The following CDK14 variants were observed in gnomAD, a reference collection of about 807,000 sequenced individuals.
CDK14 encodes cyclin-dependent kinase 14.
CDK14 carries 34 observed loss-of-function variants against 60.7 expected under a neutral mutation model. The observed-to-expected ratio is 0.56, with a 90% CI of 0.43 to 0.75. The LOEUF (loss-of-function observed/expected upper bound fraction) is 0.75, where lower values mean the gene tolerates loss of function less well. Among genes scored for constraint, CDK14 ranks in the 30% least tolerant of loss-of-function variants. The pLI is 0.00. For synonymous variants in CDK14, 197 were observed against 203.7 expected (o/e 0.97, Z 0.28); for missense variants, 482 against 564.1 (o/e 0.85, Z 1.47).
intron 9 of CDK14, among the ~76,000 whole-genome samples, chr7:90,972,306 T>G (rs576780226): frequency 3.4e-4 from 52 of 152,354 alleles, no homozygotes; most frequent in Non-Finnish European, 5.9e-4. Flanking sequence ...ATTTGGTTCC[T>G]TCTGTAGTCA....
chr7:91,052,501 A>G (rs1026360239), intron 11 of CDK14, among the ~76,000 whole-genome samples: 1 of 152,232 alleles, frequency 6.6e-6, no homozygotes, highest in Non-Finnish European at 1.5e-5. Flanking sequence ...ACCACCAATA[A>G]CACTTCGTAT....
chr7:91,178,622 A>G (rs1163980407), intron 14 of CDK14, among the ~76,000 whole-genome samples: 1 of 152,226 alleles, frequency 6.6e-6, no homozygotes, highest in Non-Finnish European at 1.5e-5. Context: ...CAGGAAAAAA[A>G]CAACCCCATC....
chr7:90,724,703 G>A (rs1427216377), intron 2 of CDK14, among the ~76,000 whole-genome samples: 1 of 151,626 alleles, frequency 6.6e-6, no homozygotes, highest in Non-Finnish European at 1.5e-5. Flanking sequence ...ACTATTTTCT[G>A]TCATCCTTAT....
intron 5 of CDK14, among the ~76,000 whole-genome samples, chr7:90,845,181 C>T (rs1255926725): frequency 1.3e-5 from 2 of 152,074 alleles, no homozygotes; most frequent in African/African-American, 4.8e-5. Context: ...AGAGTAGTCA[C>T]TCAGTAAACA....
At chr7:90,674,660 G>A (rs1801162089) in intron 2 of CDK14, among the ~76,000 whole-genome samples, 1 of 152,134 alleles carries the variant, frequency 6.6e-6, no homozygotes, top group African/African-American at 2.4e-5. Flanking sequence ...ACCATAAAAT[G>A]CATAATTATG....
rs1160281935 is a variant in CDK14 at position 90,790,659 on chromosome 7, A to G, written c.544+7A>G. ...TTCACAGCTATCAGGGAAGGTAGGCACTTTTCCTTGTTGATATTGCTTTTG... is the reference window on the plus strand; with the variant it reads ...TTCACAGCTATCAGGGAAGGTAGGCGCTTTTCCTTGTTGATATTGCTTTTG... On this transcript the variant is annotated splice_region_variant and intron_variant, in intron 5 of 14. Transcript: ENST00000380050. 3.1e-6 allele frequency: 5 copies of G among 1,603,308 alleles called. No homozygotes were observed. The highest frequency in any genetic ancestry group is 1.7e-5 in the Admixed American group (1 of 59,546).
chr7:91,147,162 T>TCTCTCTCTCTCTCTCTCTCACA (rs1438870514), intron 14 of CDK14, among the ~76,000 whole-genome samples: 6 of 124,698 alleles, frequency 4.8e-5, no homozygotes, highest in African/African-American at 2.0e-4. Flanking sequence ...TCTCTCTCTC[T>TCTCTCTCTCTCTCTCTCTCACA]CACACACACA....
chr7:91,076,729 G>A (rs966048537), intron 11 of CDK14, among the ~76,000 whole-genome samples: 4 of 151,996 alleles, frequency 2.6e-5, no homozygotes, highest in Non-Finnish European at 5.9e-5. Context: ...ACAGAATGGG[G>A]GAACATTTTT....
intron 10 of CDK14, among the ~76,000 whole-genome samples, chr7:90,987,373 A>G (rs951257695): frequency 6.6e-6 from 1 of 152,058 alleles, no homozygotes; most frequent in Non-Finnish European, 1.5e-5. Context: ...ATCATGATTT[A>G]TGGCAATAAT....
chr7:90,879,749 AAAAT>A (rs770130144), intron 6 of CDK14, among the ~76,000 whole-genome samples: 1 of 152,066 alleles, frequency 6.6e-6, no homozygotes, highest in Non-Finnish European at 1.5e-5. Context: ...ATAATGATAA[AAAAT>A]AAATAAATAA....
intron 14 of CDK14, among the ~76,000 whole-genome samples, chr7:91,190,967 A>T (rs1802343191): frequency 6.6e-6 from 1 of 152,168 alleles, no homozygotes; most frequent in Non-Finnish European, 1.5e-5. Flanking sequence ...TTTGGGTCTC[A>T]TACGTGTCTG....
At chr7:91,019,547 G>T (rs753361879) in intron 10 of CDK14, among the ~76,000 whole-genome samples, 36 of 152,024 alleles carry the variant, frequency 2.4e-4, no homozygotes, top group Non-Finnish European at 4.6e-4. Context: ...GGCTTTCTTG[G>T]CTATTGAACT....
intron 9 of CDK14, among the ~76,000 whole-genome samples, chr7:90,961,625 T>C (rs888754220): frequency 1.6e-4 from 24 of 152,254 alleles, no homozygotes; most frequent in African/African-American, 5.8e-4. Context: ...AATTAGTTAC[T>C]GTCAAATGTA....
intron 8 of CDK14, among the ~76,000 whole-genome samples, chr7:90,934,497 C>CA (rs1345491121): frequency 1.3e-5 from 2 of 152,158 alleles, no homozygotes; most frequent in East Asian, 3.9e-4. Context: ...GAGATGGCAG[C>CA]AAAAAGGCAG....
intron 4 of CDK14, among the ~76,000 whole-genome samples, chr7:90,762,971 C>A (rs946402401): frequency 6.6e-6 from 1 of 152,054 alleles, no homozygotes; most frequent in African/African-American, 2.4e-5. Context: ...AGAGTGAGAC[C>A]CTGTCTTAAA....
At chr7:90,654,041 C>G (rs947239480) in intron 2 of CDK14, among the ~76,000 whole-genome samples, 5 of 152,138 alleles carry the variant, frequency 3.3e-5, no homozygotes, top group Non-Finnish European at 5.9e-5. Context: ...TGTGTATGTG[C>G]CACATTTTCT....
chr7:90,636,303 C>T lies in CDK14; in HGVS notation c.123+32054C>T, dbSNP rs932030375. Among the ~76,000 whole-genome samples, 10 of 152,196 alleles carry T rather than the reference C, an allele frequency of 6.6e-5. 1 individual carries two copies. Among genetic ancestry groups the T allele is most frequent in the South Asian group, 2.1e-4 (1 of 4,824 alleles). ...AGATAGCTCTTATTATTTTGAAATA[C>T]GTCCCATCAATACCTGATTTATTGA... is the stretch of plus-strand genomic sequence containing the variant. On this transcript the variant is annotated intron_variant, in intron 2 of 14. Coordinates refer to ENST00000380050, the MANE Select transcript of CDK14 (RefSeq NM_001287135.2).
At chr7:90,951,269 T>C (rs1013009820) in intron 8 of CDK14, among the ~76,000 whole-genome samples, 1 of 152,172 alleles carries the variant, frequency 6.6e-6, no homozygotes, top group African/African-American at 2.4e-5. Context: ...ACTTTTTTTT[T>C]TCTGATTAAT....
chr7:90,693,286 A>T (rs1194228108), intron 2 of CDK14, among the ~76,000 whole-genome samples: 1 of 152,170 alleles, frequency 6.6e-6, no homozygotes, highest in African/African-American at 2.4e-5. Context: ...TATTTATTGA[A>T]CAGAAGTTGT....
Sources: allele counts gnomAD v4.1 joint callset (sites outside exome capture counted in the v4.1 genomes callset), GRCh38; gene constraint gnomAD v4.1.1; transcripts MANE v1.5; gene names NCBI Gene and HGNC (gene_info 2026-07-23, HGNC 2026-07-21).